Variants in ELAVL4 observed in about 807,000 individuals in gnomAD.
The protein encoded by ELAVL4 is ELAV like RNA binding protein 4, also known as ELAV-like protein 4.
A neutral mutation model predicts 35.6 loss-of-function variants in ELAVL4; 1 was observed. That is an observed-to-expected ratio of 0.03 (90% CI 0.01 to 0.13). ELAVL4 has a LOEUF of 0.13. ELAVL4 is among the 10% of genes least tolerant of loss of function. The probability of loss-of-function intolerance (pLI) is 1.00; values close to 1 mark genes in which losing one functional copy is unlikely to be tolerated. For synonymous variants in ELAVL4, 156 were observed against 171.0 expected, an observed-to-expected ratio of 0.91 and a Z score of 0.69; for missense variants, 267 against 464.9, an observed-to-expected ratio of 0.57 and a Z score of 3.91.
At chr1:50,185,133 C>A (rs534726695) in intron 3 of ELAVL4, among the ~76,000 whole-genome samples, 1 of 152,108 alleles carries the variant, frequency 6.6e-6, no homozygotes, top group African/African-American at 2.4e-5. Context: ...AGTGGCCCTG[C>A]GGATTAAAGA....
intron 1 of ELAVL4, among the ~76,000 whole-genome samples, chr1:50,143,758 G>A (rs553984296): frequency 2.0e-4 from 30 of 152,212 alleles, no homozygotes; most frequent in Admixed American, 1.2e-3. Context: ...TATGGGCTGC[G>A]TTTGGGGCCA....
At chr1:50,137,679 C>T (rs1044104062) in intron 1 of ELAVL4, among the ~76,000 whole-genome samples, 1 of 152,144 alleles carries the variant, frequency 6.6e-6, no homozygotes, top group Non-Finnish European at 1.5e-5. Flanking sequence ...TCTTCTCTGA[C>T]ATGTGGACCC....
chr1:50,065,821 G>A (rs1664234197), intron 1 of ELAVL4, among the ~76,000 whole-genome samples: 2 of 152,142 alleles, frequency 1.3e-5, no homozygotes, highest in Admixed American at 1.3e-4. Context: ...TTTCACATGT[G>A]TCGGGGTTGA....
At chr1:50,188,499 A>T (rs1017857256) in intron 3 of ELAVL4, among the ~76,000 whole-genome samples, 5 of 152,240 alleles carry the variant, frequency 3.3e-5, no homozygotes, top group African/African-American at 1.2e-4. Context: ...GAGAAGTAAG[A>T]CAAAAGAGAA....
At chr1:50,193,547 T>C (rs1231988483) in intron 3 of ELAVL4, among the ~76,000 whole-genome samples, 2 of 152,144 alleles carry the variant, frequency 1.3e-5, no homozygotes, top group Non-Finnish European at 2.9e-5. Flanking sequence ...GTGCATTTGT[T>C]TTAAGTTATT....
intron 2 of ELAVL4, among the ~76,000 whole-genome samples, chr1:50,161,484 T>C (rs1055029277): frequency 1.3e-5 from 2 of 152,190 alleles, no homozygotes; most frequent in South Asian, 4.1e-4. Context: ...CTTTTCCTTT[T>C]CAGTTTTTTT....
At chr1:50,061,588 G>A in intron 1 of ELAVL4, among the ~76,000 whole-genome samples, 1 of 152,156 alleles carries the variant, frequency 6.6e-6, no homozygotes, top group East Asian at 1.9e-4. Flanking sequence ...CCTCATGGAG[G>A]TGCACCATTC....
At chr1:50,148,128 G>A (rs1381506924) in intron 2 of ELAVL4, among the ~76,000 whole-genome samples, 2 of 152,138 alleles carry the variant, frequency 1.3e-5, no homozygotes, top group Admixed American at 6.5e-5. Context: ...CATTTAACAC[G>A]GAGCCTCCAT....
intron 1 of ELAVL4, among the ~76,000 whole-genome samples, chr1:50,072,603 A>G (rs928486012): frequency 1.3e-5 from 2 of 152,076 alleles, no homozygotes; most frequent in Non-Finnish European, 2.9e-5. Flanking sequence ...GGGGACACAC[A>G]TCCTCCTTGT....
chr1:50,056,387 G>A (rs1663673596), intron 1 of ELAVL4, among the ~76,000 whole-genome samples: 1 of 152,144 alleles, frequency 6.6e-6, no homozygotes, highest in Non-Finnish European at 1.5e-5. Context: ...GTTCATTTAT[G>A]ATGGAGGTCC....
At chr1:50,156,403 G>A (rs1675760723) in intron 2 of ELAVL4, among the ~76,000 whole-genome samples, 1 of 152,194 alleles carries the variant, frequency 6.6e-6, no homozygotes. Flanking sequence ...CTCCTATCTC[G>A]TAACTCCTAA....
intron 1 of ELAVL4, chr1:50,144,605 A>G: frequency 2.1e-6 from 1 of 480,438 alleles, no homozygotes; most frequent in Non-Finnish European, 4.0e-6. Context: ...AATTTTAATC[A>G]TGATTATTAC....
chr1:50,051,885 G>C (rs1225410698), intron 1 of ELAVL4, among the ~76,000 whole-genome samples: 1 of 152,166 alleles, frequency 6.6e-6, no homozygotes, highest in Non-Finnish European at 1.5e-5. Flanking sequence ...TCAAGATGAA[G>C]GTGTTAGCAA....
chr1:50,118,437 G>T (rs1259120404), intron 1 of ELAVL4, among the ~76,000 whole-genome samples: 1 of 151,820 alleles, frequency 6.6e-6, no homozygotes, highest in Non-Finnish European at 1.5e-5. Flanking sequence ...TGACTGAAGA[G>T]ATGTGCAGGA....
In ELAVL4 at chr1:50,145,112, G is replaced by A. The variant is rs760839089; in HGVS notation, c.165G>A (p.Gln55=). The change falls in exon 2 of 7, where the codon CAG becomes CAA. Residue 55 remains glutamine (Q), a synonymous_variant. Transcript: ENST00000371824. ...KTNLIVNYLP[Q]NMTQEEFRSL... is the part of the protein sequence containing the mutation. ...ACCTCATCGTCAACTATTTACCCCA[G>A]AATATGACCCAAGAAGAATTCAGGA... The A allele has an allele frequency of 5.0e-6, 8 of 1,613,894 alleles. No individual in the cohort carries two copies. The East Asian group carries it at 1.8e-4, about 36-fold the overall frequency.
upstream of ELAVL4, among the ~76,000 whole-genome samples, chr1:50,105,405 TG>T (rs1350657605): frequency 1.3e-5 from 2 of 152,226 alleles, no homozygotes; most frequent in Non-Finnish European, 2.9e-5. Context: ...TTAGAATTTG[TG>T]GCAGTGTTTT....
chr1:50,066,531 A>G (rs1181151960), intron 1 of ELAVL4, among the ~76,000 whole-genome samples: 2 of 152,170 alleles, frequency 1.3e-5, no homozygotes, highest in African/African-American at 4.8e-5. Flanking sequence ...CCAACTCTTC[A>G]TACTTGTCAC....
intron 1 of ELAVL4, among the ~76,000 whole-genome samples, chr1:50,056,840 G>A (rs1246713246): frequency 1.3e-5 from 2 of 151,598 alleles, no homozygotes; most frequent in African/African-American, 2.4e-5. Context: ...GCTGAGGCAG[G>A]AGAATGGCGT....
intron 1 of ELAVL4, among the ~76,000 whole-genome samples, chr1:50,094,317 G>A (rs1665621629): frequency 6.6e-6 from 1 of 152,160 alleles, no homozygotes; most frequent in African/African-American, 2.4e-5. Flanking sequence ...TTTGTTAGAG[G>A]TCTGCTGGGT....
Sources: allele counts gnomAD v4.1 joint callset (sites outside exome capture counted in the v4.1 genomes callset), GRCh38; gene constraint gnomAD v4.1.1; transcripts MANE v1.5; gene names NCBI Gene and HGNC (gene_info 2026-07-23, HGNC 2026-07-21).